Variants in NKAIN3 observed in about 807,000 individuals in gnomAD.
NKAIN3 encodes the protein sodium/potassium transporting ATPase interacting 3, also known as sodium/potassium-transporting ATPase subunit beta-1-interacting protein 3.
In NKAIN3, 25 loss-of-function variants were observed where a neutral mutation model predicts 30.2. The observed-to-expected ratio is 0.83, with a 90% CI of 0.60 to 1.16. The LOEUF (loss-of-function observed/expected upper bound fraction) is 1.16, where lower values mean the gene tolerates loss of function less well. NKAIN3 is among the 50% of genes most tolerant of loss of function. NKAIN3 has a pLI of 0.00. For synonymous variants in NKAIN3, 91 were observed against 89.6 expected, an observed-to-expected ratio of 1.02 and a Z score of -0.09; for missense variants, 225 against 254.1, an observed-to-expected ratio of 0.89 and a Z score of 0.78.
chr8:62,739,277 AAT>A (rs200801707), intron 3 of NKAIN3, among the ~76,000 whole-genome samples: 1 of 151,692 alleles, frequency 6.6e-6, no homozygotes, highest in African/African-American at 2.4e-5. Context: ...GAAAAAAAAA[AAT>A]ATATATATAC....
chr8:62,537,414 G>A (rs1808698547), intron 1 of NKAIN3, among the ~76,000 whole-genome samples: 1 of 152,052 alleles, frequency 6.6e-6, no homozygotes, highest in East Asian at 1.9e-4. Context: ...TCTTCATGGG[G>A]GCTGGAAGAG....
intron 1 of NKAIN3, among the ~76,000 whole-genome samples, chr8:62,531,289 T>A (rs1281512008): frequency 1.3e-5 from 2 of 152,180 alleles, no homozygotes; most frequent in Non-Finnish European, 2.9e-5. Flanking sequence ...GAGTCTCATG[T>A]TCTTTCCTTT....
intron 1 of NKAIN3, among the ~76,000 whole-genome samples, chr8:62,358,633 T>C (rs753234203): frequency 6.6e-5 from 10 of 152,122 alleles, no homozygotes; most frequent in Non-Finnish European, 1.0e-4. Flanking sequence ...AGACACAAAT[T>C]GTTATGTAAT....
At chr8:62,850,518 GA>G (rs1246122565) in intron 4 of NKAIN3, among the ~76,000 whole-genome samples, 59 of 152,208 alleles carry the variant, frequency 3.9e-4, no homozygotes, top group African/African-American at 1.3e-3. Flanking sequence ...TTTTAGACAT[GA>G]AGTCCTTGCC....
chr8:62,798,530 C>A (rs1817943974), intron 4 of NKAIN3, among the ~76,000 whole-genome samples: 1 of 151,920 alleles, frequency 6.6e-6, no homozygotes, highest in Non-Finnish European at 1.5e-5. Flanking sequence ...TGAGATTGCA[C>A]CACTGCACTC....
intron 4 of NKAIN3, among the ~76,000 whole-genome samples, chr8:62,753,532 G>T (rs1427799263): frequency 6.6e-6 from 1 of 152,056 alleles, no homozygotes; most frequent in African/African-American, 2.4e-5. Flanking sequence ...ATGAACAAAT[G>T]TGTTCACATA....
chr8:62,275,312 T>G (rs1001819777), intron 1 of NKAIN3, among the ~76,000 whole-genome samples: 23 of 152,228 alleles, frequency 1.5e-4, no homozygotes, highest in African/African-American at 2.9e-4. Context: ...TGGTATCTCA[T>G]TGTGGTTTTG....
intron 4 of NKAIN3, chr8:62,857,031 C>T (rs1227370717): frequency 7.9e-6 from 4 of 508,110 alleles, no homozygotes; most frequent in South Asian, 3.1e-5. Context: ...TCTTCTTGTT[C>T]TTCTTTGCTT....
chr8:62,256,996 T>C (rs1312479839), intron 1 of NKAIN3, among the ~76,000 whole-genome samples: 1 of 152,204 alleles, frequency 6.6e-6, no homozygotes, highest in African/African-American at 2.4e-5. Context: ...TAATAGTATA[T>C]ACTTATGAGG....
At chr8:62,415,749 A>AATTATTATTATT (rs35191559) in intron 1 of NKAIN3, among the ~76,000 whole-genome samples, 14 of 148,690 alleles carry the variant, frequency 9.4e-5, no homozygotes, top group African/African-American at 3.4e-4. Context: ...TTTTATTAAG[A>AATTATTATTATT]ATTATTATTA....
rs1255867547 is a variant in NKAIN3 at position 62,965,431 on chromosome 8, C to T, written c.*24C>T. ...AGGGAGCAAAGGACCATTGACTGCG[C>T]GCCTCGGTGGATCCGACCCGCCTGA... On this transcript the variant is annotated 3_prime_UTR_variant, in exon 7 of 7. Transcript: ENST00000623646. 2.1e-5 allele frequency: 21 copies of T among 985,694 alleles called. No individual in the cohort carries two copies. In the East Asian group the frequency reaches 4.5e-4, roughly 21 times the overall value. The allele number at this position is 985,694 out of a possible 1,614,324, so 61.1% of individuals were successfully genotyped here. A position where few individuals can be genotyped will look rare whatever the true frequency, so the allele number is the denominator to read the frequency against.
At chr8:62,319,762 A>G (rs1459821182) in intron 1 of NKAIN3, among the ~76,000 whole-genome samples, 1 of 152,152 alleles carries the variant, frequency 6.6e-6, no homozygotes, top group Non-Finnish European at 1.5e-5. Context: ...CTATGTGGCC[A>G]ATTTTGGAAT....
At chr8:62,744,899 A>G (rs1403201668) in intron 3 of NKAIN3, among the ~76,000 whole-genome samples, 1 of 152,238 alleles carries the variant, frequency 6.6e-6, no homozygotes, top group Admixed American at 6.5e-5. Flanking sequence ...AAAAGGAAAA[A>G]GGCATAACAT....
chr8:62,841,492 C>G (rs1819531302), intron 4 of NKAIN3, among the ~76,000 whole-genome samples: 2 of 152,244 alleles, frequency 1.3e-5, no homozygotes, highest in South Asian at 4.1e-4. Context: ...CCCCCCATCC[C>G]TGGCTCTGGT....
chr8:62,855,868 G>T, intron 4 of NKAIN3: 1 of 775,228 alleles, frequency 1.3e-6, no homozygotes, highest in Admixed American at 1.8e-5. Flanking sequence ...TCTTCCTGTG[G>T]CACCAAAGCC....
intron 3 of NKAIN3, among the ~76,000 whole-genome samples, chr8:62,686,079 A>G (rs1321767578): frequency 1.3e-5 from 2 of 152,164 alleles, no homozygotes; most frequent in African/African-American, 4.8e-5. Context: ...TGCAGCTACC[A>G]GTCCTTCAGG....
intron 1 of NKAIN3, among the ~76,000 whole-genome samples, chr8:62,521,654 A>T: frequency 6.6e-6 from 1 of 152,140 alleles, no homozygotes; most frequent in East Asian, 1.9e-4. Context: ...AATCATGGAC[A>T]AAAAGAGCAT....
intron 1 of NKAIN3, among the ~76,000 whole-genome samples, chr8:62,477,339 T>C (rs1806552667): frequency 7.6e-6 from 1 of 131,094 alleles, no homozygotes. Context: ...TATTTTGCAC[T>C]GGCAGTAAAA....
intron 4 of NKAIN3, among the ~76,000 whole-genome samples, chr8:62,786,849 T>C (rs1817536678): frequency 1.3e-5 from 2 of 152,200 alleles, no homozygotes; most frequent in Non-Finnish European, 2.9e-5. Flanking sequence ...GCTTGGCACA[T>C]GTGAACAGTT....
Sources: gnomAD v4.1 joint callset for allele counts (sites outside exome capture counted in the v4.1 genomes callset) on GRCh38, gnomAD v4.1.1 for gene constraint, MANE v1.5 for transcripts, NCBI Gene and HGNC (gene_info 2026-07-23, HGNC 2026-07-21) for gene names.